The following IQCM variants were observed in gnomAD, a reference collection of about 807,000 sequenced individuals.
The protein encoded by IQCM is IQ domain-containing protein M.
In IQCM, 45 loss-of-function variants were observed where a neutral mutation model predicts 57.6. That is an observed-to-expected ratio of 0.78 (90% CI 0.62 to 1.00). The LOEUF (loss-of-function observed/expected upper bound fraction) is 1.00. IQCM is among the 50% of genes least tolerant of loss of function. The pLI, the probability that IQCM is intolerant of heterozygous loss-of-function variation, is 0.00. For missense variants in IQCM, 468 were observed against 511.6 expected, an observed-to-expected ratio of 0.91 and a Z score of 0.82; for synonymous variants, 148 against 158.9, an observed-to-expected ratio of 0.93 and a Z score of 0.51.
intron 7 of IQCM, among the ~76,000 whole-genome samples, chr4:149,637,641 A>G (rs1312878215): frequency 6.6e-6 from 1 of 152,228 alleles, no homozygotes. Flanking sequence ...ATATAAAGCT[A>G]CAGTATTAAG....
chr4:149,674,981 C>T (rs1331184198), intron 7 of IQCM, among the ~76,000 whole-genome samples: 3 of 152,044 alleles, frequency 2.0e-5, no homozygotes, highest in Non-Finnish European at 4.4e-5. Context: ...AACAGTAGTG[C>T]TCTTCAAAGT....
At chr4:149,687,249 G>A (rs1188611501) in intron 5 of IQCM, among the ~76,000 whole-genome samples, 1 of 151,632 alleles carries the variant, frequency 6.6e-6, no homozygotes, top group Middle Eastern at 3.4e-3. Context: ...ATTATGTAAC[G>A]TATATTCAAA....
intron 12 of IQCM, among the ~76,000 whole-genome samples, chr4:149,481,226 T>C (rs886765628): frequency 1.3e-5 from 2 of 152,294 alleles, no homozygotes; most frequent in Middle Eastern, 3.4e-3. Context: ...TTGTTGATTG[T>C]TTCCATTGCT....
chr4:149,748,659 T>C (rs1297157379), intron 2 of IQCM: 1 of 152,174 alleles, frequency 6.6e-6, no homozygotes, highest in Non-Finnish European at 1.5e-5. Context: ...TACATGGACA[T>C]GTACATTGAA....
intron 13 of IQCM, among the ~76,000 whole-genome samples, chr4:149,355,866 T>G (rs957517989): frequency 6.6e-6 from 1 of 152,086 alleles, no homozygotes; most frequent in Non-Finnish European, 1.5e-5. Flanking sequence ...ACCAACAGTG[T>G]AAAAGTGTTC....
chr4:149,525,335 T>C (rs1252303541), intron 12 of IQCM, among the ~76,000 whole-genome samples: 2 of 151,928 alleles, frequency 1.3e-5, no homozygotes, highest in Non-Finnish European at 2.9e-5. Context: ...AATCTGCTAA[T>C]AAAATGTATT....
chr4:149,546,695 A>G (rs1471767859), intron 12 of IQCM, among the ~76,000 whole-genome samples: 8 of 151,870 alleles, frequency 5.3e-5, no homozygotes, highest in Non-Finnish European at 1.2e-4. Context: ...AGTTTGTTGG[A>G]GTTCTTTGTA....
intron 13 of IQCM, among the ~76,000 whole-genome samples, chr4:149,409,861 A>G (rs1374376384): frequency 6.6e-5 from 10 of 152,138 alleles, no homozygotes; most frequent in Admixed American, 6.6e-4. Flanking sequence ...GGCCTTATTC[A>G]CACTGCATCC....
At chr4:149,385,992 T>G (rs1352880712) in intron 13 of IQCM, among the ~76,000 whole-genome samples, 1 of 152,126 alleles carries the variant, frequency 6.6e-6, no homozygotes, top group Admixed American at 6.6e-5. Flanking sequence ...GAAGGCATAG[T>G]GATCTAGTCA....
At chr4:149,652,560 T>A (rs1255750254) in intron 7 of IQCM, among the ~76,000 whole-genome samples, 1 of 151,106 alleles carries the variant, frequency 6.6e-6, no homozygotes, top group Non-Finnish European at 1.5e-5. Flanking sequence ...AAAAAGGATA[T>A]AAAAGCTGAG....
At chr4:149,730,724 T>C (rs1459645022) in intron 5 of IQCM, among the ~76,000 whole-genome samples, 2 of 152,204 alleles carry the variant, frequency 1.3e-5, no homozygotes, top group Non-Finnish European at 2.9e-5. Context: ...GAATCAGATA[T>C]CCTCCTATTC....
chr4:149,615,444 T>A (rs1480998653), intron 8 of IQCM, among the ~76,000 whole-genome samples: 1 of 152,186 alleles, frequency 6.6e-6, no homozygotes, highest in African/African-American at 2.4e-5. Flanking sequence ...ATGCAGTTTT[T>A]AAAATTTTAC....
intron 13 of IQCM, among the ~76,000 whole-genome samples, chr4:149,420,288 T>A (rs1252705297): frequency 6.6e-6 from 1 of 152,096 alleles, no homozygotes; most frequent in Non-Finnish European, 1.5e-5. Context: ...GTGGTACATA[T>A]ACACGATAGA....
chr4:149,594,189 G>A (rs1022139356), intron 8 of IQCM, among the ~76,000 whole-genome samples: 2 of 152,038 alleles, frequency 1.3e-5, no homozygotes, highest in African/African-American at 4.8e-5. Flanking sequence ...GTCTTGGGAG[G>A]GTGTATGTGT....
intron 8 of IQCM, among the ~76,000 whole-genome samples, chr4:149,604,413 G>A (rs535997306): frequency 1.3e-5 from 2 of 152,078 alleles, no homozygotes; most frequent in African/African-American, 2.4e-5. Flanking sequence ...CATTCTAACA[G>A]CTCATCAGCC....
intron 8 of IQCM, among the ~76,000 whole-genome samples, chr4:149,596,353 T>C (rs1214086915): frequency 1.3e-5 from 2 of 152,158 alleles, no homozygotes; most frequent in African/African-American, 4.8e-5. Flanking sequence ...TGGAATTCCA[T>C]TCTGGCCAAA....
chr4:149,566,158 G>A (rs1390196779), intron 9 of IQCM, among the ~76,000 whole-genome samples: 2 of 152,132 alleles, frequency 1.3e-5, no homozygotes, highest in Non-Finnish European at 2.9e-5. Flanking sequence ...AGACCAAGTG[G>A]AATGCAGGTG....
intron 8 of IQCM, among the ~76,000 whole-genome samples, chr4:149,595,933 A>C (rs1753735463): frequency 1.3e-5 from 2 of 152,162 alleles, no homozygotes; most frequent in African/African-American, 4.8e-5. Flanking sequence ...AATGCTGGTC[A>C]CTTTGTAATA....
chr4:149,532,586 G>A (rs1283862733), intron 12 of IQCM, among the ~76,000 whole-genome samples: 3 of 148,734 alleles, frequency 2.0e-5, no homozygotes, highest in African/African-American at 5.0e-5. Context: ...AGAGGACTAT[G>A]TGGGGGCATA....
Sources: gnomAD v4.1 joint callset for allele counts (sites outside exome capture counted in the v4.1 genomes callset) on GRCh38, gnomAD v4.1.1 for gene constraint, MANE v1.5 for transcripts, NCBI Gene and HGNC (gene_info 2026-07-23, HGNC 2026-07-21) for gene names.